Variants in SAMTOR observed in about 807,000 individuals in gnomAD.
SAMTOR encodes UPF0532 protein C7orf60.
the SAMTOR span, chr7:112,819,178 GC>G: frequency 6.6e-6 from 1 of 152,558 alleles, no homozygotes; most frequent in African/African-American, 2.4e-5. Flanking sequence ...TAATAAATGT[GC>G]TTTGTTCACA....
chr7:112,879,958 A>C, the SAMTOR span, among the ~76,000 whole-genome samples: 1 of 152,178 alleles, frequency 6.6e-6, no homozygotes, highest in Non-Finnish European at 1.5e-5. Context: ...CTAGTTACTA[A>C]AATAATAAGT....
chr7:112,824,990 T>A, the SAMTOR span, among the ~76,000 whole-genome samples: 1 of 152,126 alleles, frequency 6.6e-6, no homozygotes, highest in Non-Finnish European at 1.5e-5. Context: ...TTTTTCAATT[T>A]CTACAAAAAA....
chr7:112,857,465 A>G, the SAMTOR span, among the ~76,000 whole-genome samples: 2 of 152,250 alleles, frequency 1.3e-5, no homozygotes, highest in African/African-American at 4.8e-5. Flanking sequence ...AACAAACCCA[A>G]TAAGAAAGTA....
the SAMTOR span, among the ~76,000 whole-genome samples, chr7:112,902,550 A>T: frequency 2.6e-5 from 4 of 151,618 alleles, no homozygotes; most frequent in Non-Finnish European, 4.4e-5. Flanking sequence ...ACTATAATGG[A>T]GGATACATGT....
the SAMTOR span, among the ~76,000 whole-genome samples, chr7:112,909,877 T>C: frequency 6.6e-6 from 1 of 150,600 alleles, no homozygotes; most frequent in Non-Finnish European, 1.5e-5. Flanking sequence ...CTATATAATA[T>C]TATATTATAT....
the SAMTOR span, among the ~76,000 whole-genome samples, chr7:112,837,548 A>G: frequency 6.6e-6 from 1 of 152,038 alleles, no homozygotes; most frequent in Admixed American, 6.6e-5. Context: ...ATATTTGTGC[A>G]GATATGACTA....
chr7:112,928,508 A>G, the SAMTOR span, among the ~76,000 whole-genome samples: 1 of 152,008 alleles, frequency 6.6e-6, no homozygotes, highest in South Asian at 2.1e-4. Flanking sequence ...AGCAAAGACT[A>G]CTTTTGATTT....
the SAMTOR span, among the ~76,000 whole-genome samples, chr7:112,901,577 G>A: frequency 7.2e-5 from 11 of 152,200 alleles, no homozygotes; most frequent in African/African-American, 1.4e-4. Flanking sequence ...GAATCACCCC[G>A]AAACCACCTG....
the SAMTOR span, among the ~76,000 whole-genome samples, chr7:112,914,909 T>A: frequency 6.6e-6 from 1 of 152,194 alleles, no homozygotes; most frequent in Non-Finnish European, 1.5e-5. Context: ...TCTGGTATTC[T>A]ATTTTGGCAC....
the SAMTOR span, among the ~76,000 whole-genome samples, chr7:112,867,415 T>C: frequency 6.6e-6 from 1 of 152,244 alleles, no homozygotes; most frequent in Admixed American, 6.5e-5. Context: ...AATTTTCTAT[T>C]TCTCAAGGAA....
At chr7:112,881,215 C>A in the SAMTOR span, among the ~76,000 whole-genome samples, 1 of 152,204 alleles carries the variant, frequency 6.6e-6, no homozygotes, top group African/African-American at 2.4e-5. Context: ...TGGCCCCCTC[C>A]AGACTTTGGG....
At chr7:112,895,014 A>G in the SAMTOR span, among the ~76,000 whole-genome samples, 8 of 152,296 alleles carry the variant, frequency 5.3e-5, no homozygotes, top group African/African-American at 1.9e-4. Context: ...TATGCATATA[A>G]TCTTACTAGC....
chr7:112,841,965 C>A, the SAMTOR span, among the ~76,000 whole-genome samples: 3 of 152,088 alleles, frequency 2.0e-5, no homozygotes, highest in South Asian at 4.1e-4. Flanking sequence ...GACCTAAAAC[C>A]ATAAAATAGC....
chr7:112,875,009 A>G, the SAMTOR span, among the ~76,000 whole-genome samples: 1 of 152,150 alleles, frequency 6.6e-6, no homozygotes, highest in Admixed American at 6.5e-5. Context: ...CTAAGGAAAG[A>G]AGTGGATGCT....
the SAMTOR span, among the ~76,000 whole-genome samples, chr7:112,923,023 T>C: frequency 1.3e-5 from 2 of 152,198 alleles, no homozygotes; most frequent in Non-Finnish European, 2.9e-5. Context: ...ATAGCGGTTT[T>C]GTGGAATAGA....
At chr7:112,849,311 A>G in the SAMTOR span, among the ~76,000 whole-genome samples, 1 of 152,216 alleles carries the variant, frequency 6.6e-6, no homozygotes, top group East Asian at 1.9e-4. Context: ...ACAGAAATAG[A>G]AAATAGTTTG....
the SAMTOR span, among the ~76,000 whole-genome samples, chr7:112,863,488 G>C: frequency 6.6e-6 from 1 of 152,082 alleles, no homozygotes; most frequent in Non-Finnish European, 1.5e-5. Flanking sequence ...TCAACAGAGT[G>C]AACAGACAAC....
the SAMTOR span, among the ~76,000 whole-genome samples, chr7:112,868,827 C>T: frequency 4.6e-5 from 7 of 152,190 alleles, no homozygotes; most frequent in South Asian, 2.1e-4. Context: ...GTTGCAAGAC[C>T]GGAGTGGAAG....
At chr7:112,939,065 A>G in the SAMTOR span, among the ~76,000 whole-genome samples, 11 of 152,348 alleles carry the variant, frequency 7.2e-5, no homozygotes, top group Non-Finnish European at 1.5e-4. Flanking sequence ...CTGGCTTCCC[A>G]GCCCTGGAAG....
Sources: allele counts gnomAD v4.1 joint callset (sites outside exome capture counted in the v4.1 genomes callset), GRCh38; gene constraint gnomAD v4.1.1; transcripts MANE v1.5; gene names NCBI Gene and HGNC (gene_info 2026-07-23, HGNC 2026-07-21).